TMPRSS11D: variants seen among roughly 807,000 people sequenced by gnomAD.
TMPRSS11D encodes the protein transmembrane serine protease 11D.
In TMPRSS11D, 32 loss-of-function variants were observed where a neutral mutation model predicts 44.4. The ratio of observed to expected loss-of-function variants is 0.72; its 90% CI spans 0.54 to 0.97. The LOEUF (loss-of-function observed/expected upper bound fraction) is 0.97, where lower values mean the gene tolerates loss of function less well. Ranked by LOEUF, TMPRSS11D falls within the 50% of genes least tolerant of loss-of-function variation. The pLI is 0.00. For synonymous variants in TMPRSS11D, 179 were observed against 177.9 expected (o/e 1.01, Z -0.05); for missense variants, 446 against 502.6 (o/e 0.89, Z 1.08).
At position 67,821,793 on chromosome 4, in the gene TMPRSS11D, C is replaced by G. The variant is rs1717649391; in HGVS notation, c.*544G>C. ...AGGTTAGGTTATACGTATAGTACAA[C>G]AGTTTCACATTTTTAATTTTAGGAC... On this transcript the variant is annotated 3_prime_UTR_variant, in exon 10 of 10. Coordinates refer to ENST00000283916, the MANE Select transcript of TMPRSS11D (RefSeq NM_004262.3). 6.6e-6 allele frequency: 1 copy of G among 152,358 alleles called. No individual in the cohort carries two copies. Among genetic ancestry groups the G allele is most frequent in the African/African-American group, 2.4e-5 (1 of 41,424 alleles). The allele number at this position is 152,358 out of a possible 1,614,324, so 9.4% of individuals were successfully genotyped here.
chr4:67,879,273 A>C (rs1031585646), intron 1 of TMPRSS11D, among the ~76,000 whole-genome samples: 10 of 152,160 alleles, frequency 6.6e-5, no homozygotes, highest in Middle Eastern at 6.8e-3. Context: ...CGAGGTCAGG[A>C]GATCGAGACC....
At chr4:67,832,359 C>G (rs779296760) in intron 7 of TMPRSS11D, among the ~76,000 whole-genome samples, 1 of 151,934 alleles carries the variant, frequency 6.6e-6, no homozygotes, top group Non-Finnish European at 1.5e-5. Context: ...CTGCGATGCC[C>G]CAGTAACAAG....
chr4:67,873,338 A>G (rs1325945177), intron 1 of TMPRSS11D, among the ~76,000 whole-genome samples: 2 of 152,154 alleles, frequency 1.3e-5, no homozygotes, highest in Non-Finnish European at 2.9e-5. Context: ...CAGGAGAGGA[A>G]TGGGGAAATC....
intron 7 of TMPRSS11D, among the ~76,000 whole-genome samples, chr4:67,828,752 G>T (rs1004850178): frequency 1.3e-5 from 2 of 152,068 alleles, no homozygotes; most frequent in Admixed American, 6.6e-5. Context: ...CAATCTTGAA[G>T]ACAAAGCACC....
At chr4:67,839,633 C>T (rs1718182129) in intron 4 of TMPRSS11D, among the ~76,000 whole-genome samples, 1 of 151,598 alleles carries the variant, frequency 6.6e-6, no homozygotes, top group African/African-American at 2.4e-5. Context: ...ACTAAACACC[C>T]AATAACAGCA....
intron 1 of TMPRSS11D, among the ~76,000 whole-genome samples, chr4:67,870,969 T>A (rs1719048313): frequency 1.3e-5 from 2 of 152,174 alleles, no homozygotes; most frequent in Non-Finnish European, 2.9e-5. Flanking sequence ...TCCATAAAGG[T>A]GAGGATTTTT....
intron 3 of TMPRSS11D, among the ~76,000 whole-genome samples, chr4:67,851,444 T>A (rs1440731): frequency 0.61 from 93,344 of 151,950 alleles, 29,265 homozygotes; most frequent in East Asian, 0.88. Context: ...AGAACAAAAA[T>A]TATCAAAAGA....
intron 1 of TMPRSS11D, among the ~76,000 whole-genome samples, chr4:67,883,027 A>G (rs1719357521): frequency 6.6e-6 from 1 of 151,812 alleles, no homozygotes; most frequent in African/African-American, 2.4e-5. Context: ...TCATATATAT[A>G]TATTCAAGTG....
At chr4:67,871,731 A>T (rs763807900) in intron 1 of TMPRSS11D, among the ~76,000 whole-genome samples, 3 of 152,142 alleles carry the variant, frequency 2.0e-5, no homozygotes, top group Non-Finnish European at 4.4e-5. Flanking sequence ...TCCATAATTC[A>T]GATTATGAGG....
At position 67,821,684 on chromosome 4, in the gene TMPRSS11D, G is replaced by A. The variant is rs1717646404; in HGVS notation, c.*653C>T. 3 of 151,974 alleles carry A rather than the reference G, an allele frequency of 2.0e-5. No individual in the cohort carries two copies. Among genetic ancestry groups the A allele is most frequent in the Non-Finnish European group, 4.4e-5 (3 of 67,990 alleles). The allele number at this position is 151,974 out of a possible 1,614,324, so 9.4% of individuals were successfully genotyped here. ...CTATAATTCTTTGGGTCTCAGTTGA[G>A]GAGTGAACTATTTTAGCTTTTGCCT... On this transcript the variant is annotated 3_prime_UTR_variant, in exon 10 of 10. Coordinates refer to ENST00000283916, the MANE Select transcript of TMPRSS11D (RefSeq NM_004262.3).
At chr4:67,822,536 A>G (rs1270745169) in intron 9 of TMPRSS11D, 38 bp from the exon 10 acceptor site, 2 of 1,610,436 alleles carry the variant, frequency 1.2e-6, no homozygotes, top group South Asian at 2.2e-5. Flanking sequence ...TTAAGTGCAA[A>G]GACAAACCCA....
intron 4 of TMPRSS11D, among the ~76,000 whole-genome samples, chr4:67,840,124 A>G (rs1462698377): frequency 1.3e-5 from 2 of 151,962 alleles, no homozygotes; most frequent in Non-Finnish European, 2.9e-5. Context: ...TAAGCATACA[A>G]TTTCAGTGGT....
chr4:67,839,840 T>C (rs1469262708), intron 4 of TMPRSS11D, among the ~76,000 whole-genome samples: 1 of 151,888 alleles, frequency 6.6e-6, no homozygotes, highest in Admixed American at 6.6e-5. Context: ...TTAATTTTAT[T>C]ATTATTATAC....
At chr4:67,836,470 G>A (rs1462247418) in intron 5 of TMPRSS11D, among the ~76,000 whole-genome samples, 1 of 152,130 alleles carries the variant, frequency 6.6e-6, no homozygotes, top group East Asian at 1.9e-4. Context: ...CACAAGGTTT[G>A]GGTATCACAT....
chr4:67,847,995 T>C (rs1228798584), intron 3 of TMPRSS11D, among the ~76,000 whole-genome samples: 2 of 152,220 alleles, frequency 1.3e-5, no homozygotes, highest in Non-Finnish European at 2.9e-5. Context: ...CTTCTAGGCT[T>C]TCAGTAACAA....
intron 1 of TMPRSS11D, among the ~76,000 whole-genome samples, chr4:67,882,416 A>G (rs1719341570): frequency 6.6e-6 from 1 of 152,220 alleles, no homozygotes; most frequent in Non-Finnish European, 1.5e-5. Context: ...AAAATTCCAC[A>G]GAAGAGTTAT....
chr4:67,829,427 C>CAG (rs1273607902), intron 7 of TMPRSS11D, among the ~76,000 whole-genome samples: 1 of 138,688 alleles, frequency 7.2e-6, no homozygotes, highest in Non-Finnish European at 1.5e-5. Flanking sequence ...TAGGGGGAGA[C>CAG]AGAGAGAGAA....
At chr4:67,875,078 G>C (rs1256132411) in intron 1 of TMPRSS11D, among the ~76,000 whole-genome samples, 1 of 152,134 alleles carries the variant, frequency 6.6e-6, no homozygotes, top group Admixed American at 6.6e-5. Flanking sequence ...ATTGTCTTCA[G>C]AAACACAGGA....
chr4:67,869,687 G>T (rs922217852), intron 1 of TMPRSS11D, among the ~76,000 whole-genome samples: 7 of 152,162 alleles, frequency 4.6e-5, no homozygotes, highest in Non-Finnish European at 8.8e-5. Flanking sequence ...AATTCTTCAA[G>T]AGTTACTAAT....
Sources: gnomAD v4.1 joint callset for allele counts (sites outside exome capture counted in the v4.1 genomes callset) on GRCh38, gnomAD v4.1.1 for gene constraint, MANE v1.5 for transcripts, NCBI Gene and HGNC (gene_info 2026-07-23, HGNC 2026-07-21) for gene names.